The following SORCS2 variants were observed in gnomAD, a reference collection of about 807,000 sequenced individuals.
SORCS2 encodes sortilin related VPS10 domain containing receptor 2.
SORCS2 carries 100 observed loss-of-function variants against 141.6 expected under a neutral mutation model. The ratio of observed to expected loss-of-function variants is 0.71; its 90% CI spans 0.60 to 0.83. The LOEUF (loss-of-function observed/expected upper bound fraction) is 0.83. Among genes scored for constraint, SORCS2 ranks in the 40% least tolerant of loss-of-function variants. The probability of loss-of-function intolerance (pLI) is 0.00; values close to 1 mark genes in which losing one functional copy is unlikely to be tolerated. For missense variants in SORCS2, 1,646 were observed against 1,560.2 expected (o/e 1.05, Z -0.93); for synonymous variants, 789 against 676.9 (o/e 1.17, Z -2.57).
intron 3 of SORCS2, among the ~76,000 whole-genome samples, chr4:7,585,377 C>T (rs908482881): frequency 2.0e-5 from 3 of 152,174 alleles, no homozygotes; most frequent in African/African-American, 4.8e-5. Context: ...ATGTGGATCA[C>T]TGAAGTACAC....
At chr4:7,414,797 T>A (rs764446503) in intron 2 of SORCS2, among the ~76,000 whole-genome samples, 11 of 152,160 alleles carry the variant, frequency 7.2e-5, no homozygotes, top group Non-Finnish European at 1.6e-4. Flanking sequence ...ACTCAAGGTT[T>A]TATGTTGTTA....
chr4:7,329,411 T>G (rs1719498712), intron 1 of SORCS2, among the ~76,000 whole-genome samples: 1 of 152,210 alleles, frequency 6.6e-6, no homozygotes, highest in Non-Finnish European at 1.5e-5. Flanking sequence ...CCAGCCACCC[T>G]GAGCCACGGT....
chr4:7,495,621 G>T (rs560296815), intron 2 of SORCS2, among the ~76,000 whole-genome samples: 2 of 152,320 alleles, frequency 1.3e-5, no homozygotes, highest in East Asian at 3.9e-4. Flanking sequence ...GAGCTCACAG[G>T]CTCATGTCAT....
At chr4:7,726,684 A>G (rs2148886732) in intron 20 of SORCS2, 96 bp from the exon 21 acceptor site, 1 of 1,491,336 alleles carries the variant, frequency 6.7e-7, no homozygotes, top group South Asian at 1.3e-5. Flanking sequence ...ACAAGGGGAC[A>G]GCAATGCTCT....
intron 18 of SORCS2, among the ~76,000 whole-genome samples, chr4:7,723,040 A>G: frequency 6.6e-6 from 1 of 151,782 alleles, no homozygotes; most frequent in Non-Finnish European, 1.5e-5. Flanking sequence ...TCAATCCCCC[A>G]CCTCTGCGAG....
intron 1 of SORCS2, among the ~76,000 whole-genome samples, chr4:7,214,100 C>CA (rs1490040265): frequency 1.3e-5 from 2 of 152,108 alleles, no homozygotes; most frequent in Non-Finnish European, 2.9e-5. Flanking sequence ...TCTTGTCTTC[C>CA]AAAAAGGAAG....
rs1359234570 is a variant in SORCS2, at chr4:7,712,834, G to C, written c.1970G>C (p.Trp657Ser). The change falls in exon 15 of 27, where the codon TGG (tryptophan) becomes TCG (serine). Residue 657 changes from tryptophan to serine, a missense_variant. Coordinates refer to ENST00000507866, the MANE Select transcript of SORCS2 (RefSeq NM_020777.3). The stretch of plus-strand genomic sequence containing the variant: ...TGCGGCGAGGAGGACTACAGCTCCT[G>C]GGAGCTCTCCAACCTGCAGGTGGGC... ...RQCGEEDYSSWELSNLQGDRC... is the reference protein window; with the variant it reads ...RQCGEEDYSSSELSNLQGDRC... 1 of 1,613,764 alleles carries C rather than the reference G, an allele frequency of 6.2e-7. No individual in the cohort carries two copies. Among genetic ancestry groups the C allele is most frequent in the Non-Finnish European group, 8.5e-7 (1 of 1,179,884 alleles).
chr4:7,255,843 G>A (rs951599562), intron 1 of SORCS2, among the ~76,000 whole-genome samples: 1 of 149,540 alleles, frequency 6.7e-6, no homozygotes, highest in Non-Finnish European at 1.5e-5. Context: ...CGGGGTTGGT[G>A]CGTGGGGACC....
rs370269668 is a variant in SORCS2, at chr4:7,521,817, T to C, written c.549-9713T>C. On this transcript the variant is annotated intron_variant, in intron 2 of 26. Coordinates refer to ENST00000507866, the MANE Select transcript of SORCS2 (RefSeq NM_020777.3). ...TGTACCCTCAAGAGGGGTTCTGGGG[T>C]CCACTCAAGGGGCCTTGCAGCTGCC... Among the ~76,000 whole-genome samples the C allele has an allele frequency of 3.9e-5, 6 of 152,310 alleles. No individual in the cohort carries two copies. In the East Asian group the frequency reaches 5.8e-4, roughly 15 times the overall value.
intron 1 of SORCS2, among the ~76,000 whole-genome samples, chr4:7,375,897 G>T (rs919132548): frequency 3.3e-5 from 5 of 152,200 alleles, no homozygotes; most frequent in African/African-American, 1.2e-4. Context: ...TGTTATTCGT[G>T]CGCAGGTTAC....
chr4:7,566,078 AATG>A lies in SORCS2; in HGVS notation c.648+34454_648+34456del, dbSNP rs151106211. Among the ~76,000 whole-genome samples, 665 of 148,818 alleles carry A rather than the reference AATG, an allele frequency of 4.5e-3. 27 individuals are homozygous for A. The highest frequency in any genetic ancestry group is 0.015 in the East Asian group (73 of 4,982). On this transcript the variant is annotated intron_variant, in intron 3 of 26. Transcript: ENST00000507866. ...TGATGATGATGATGGTGATGACGGT[AATG>A]ATGACAGAGATGATGATAATGTGAT...
chr4:7,664,536 G>A lies in SORCS2; in HGVS notation c.1071+65G>A, dbSNP rs544066762. 4.5e-5 allele frequency: 52 copies of A among 1,144,026 alleles called. No individual in the cohort carries two copies. In the South Asian group the frequency reaches 6.6e-4, roughly 14 times the overall value. The allele number at this position is 1,144,026 out of a possible 1,614,324, so 70.9% of individuals were successfully genotyped here. A position where few individuals can be genotyped will look rare whatever the true frequency, so the allele number is the denominator to read the frequency against. On this transcript the variant is annotated intron_variant, in intron 7 of 26. Coordinates refer to ENST00000507866, the MANE Select transcript of SORCS2 (RefSeq NM_020777.3). This position sits in a 1 kb window ranked among gnomAD's most constrained non-coding sequence, Gnocchi z 4.7. ...TGACGTGGCGGATGACCCGTTCGCG[G>A]CAAAAATGGCATCGCTCAGAAAAGA...
intron 3 of SORCS2, among the ~76,000 whole-genome samples, chr4:7,606,789 G>A (rs1718091928): frequency 6.6e-6 from 1 of 152,090 alleles, no homozygotes; most frequent in Non-Finnish European, 1.5e-5. Context: ...CCATCAGGAA[G>A]CAAGGGCAGA....
Position 7,392,263 on chromosome 4 carries a change from GA to G in SORCS2, c.481-4023del, listed in dbSNP as rs1489407183. On this transcript the variant is annotated intron_variant, in intron 1 of 26. Coordinates refer to ENST00000507866, the MANE Select transcript of SORCS2 (RefSeq NM_020777.3). ...TGAGGGTTAGGATGGGCATTGCTGT[GA>G]AGGAGCCCTGGGCCTCCAGGACAGG... is the stretch of plus-strand genomic sequence containing the variant. Among the ~76,000 whole-genome samples the G allele has an allele frequency of 3.9e-5, 6 of 152,344 alleles. No homozygotes were observed. In the East Asian group the frequency reaches 1.2e-3, roughly 29 times the overall value.
chr4:7,373,643 T>C (rs553896554), intron 1 of SORCS2, among the ~76,000 whole-genome samples: 1,910 of 150,894 alleles, frequency 0.013, 20 homozygotes, highest in African/African-American at 0.023. Context: ...CAGGCCACAC[T>C]ACCATGTCCA....
At chr4:7,590,295 T>G (rs897060708) in intron 3 of SORCS2, among the ~76,000 whole-genome samples, 2 of 152,146 alleles carry the variant, frequency 1.3e-5, no homozygotes, top group Admixed American at 6.5e-5. Context: ...GGGTTCAGGG[T>G]GTTTGATTAC....
intron 1 of SORCS2, among the ~76,000 whole-genome samples, chr4:7,258,970 GTTGT>G (rs780495802): frequency 5.3e-5 from 8 of 152,122 alleles, no homozygotes; most frequent in Non-Finnish European, 1.2e-4. Flanking sequence ...TTTTGATGGG[GTTGT>G]TTGTTTTTTT....
intron 4 of SORCS2, among the ~76,000 whole-genome samples, chr4:7,641,948 A>G (rs1720776436): frequency 6.9e-6 from 1 of 144,126 alleles, no homozygotes; most frequent in Admixed American, 6.9e-5. Context: ...TGGATGGATG[A>G]ATGGATGGAT....
chr4:7,736,544 G>A (rs1198235137), intron 25 of SORCS2, among the ~76,000 whole-genome samples: 1 of 152,160 alleles, frequency 6.6e-6, no homozygotes, highest in Non-Finnish European at 1.5e-5. Context: ...CCCAGGGCGG[G>A]TCCTGAGCCG....
Sources: allele counts gnomAD v4.1 joint callset (sites outside exome capture counted in the v4.1 genomes callset), GRCh38; gene constraint gnomAD v4.1.1; non-coding constraint Gnocchi (gnomAD v3.1); transcripts MANE v1.5; gene names NCBI Gene and HGNC (gene_info 2026-07-23, HGNC 2026-07-21).